The following NEGR1 variants were observed in gnomAD, a reference collection of about 807,000 sequenced individuals.
NEGR1 encodes the protein neuronal growth regulator 1.
NEGR1 carries 10 observed loss-of-function variants against 40.9 expected under a neutral mutation model. That is an observed-to-expected ratio of 0.24 (90% CI 0.15 to 0.42). The LOEUF is 0.42. Ranked by LOEUF, NEGR1 falls within the 10% of genes least tolerant of loss-of-function variation. The probability of loss-of-function intolerance (pLI) is 1.00; values close to 1 mark genes in which losing one functional copy is unlikely to be tolerated. For missense variants in NEGR1, 352 were observed against 438.9 expected (o/e 0.80, Z 1.77); for synonymous variants, 185 against 166.8 (o/e 1.11, Z -0.84).
At chr1:71,990,903 C>CATATAT (rs751558775) in intron 1 of NEGR1, among the ~76,000 whole-genome samples, 181 of 123,236 alleles carry the variant, frequency 1.5e-3, no homozygotes, top group African/African-American at 5.0e-3. Context: ...TAGGCATATA[C>CATATAT]ATATATATAT....
chr1:72,022,778 A>C (rs1045928278), intron 1 of NEGR1, among the ~76,000 whole-genome samples: 3 of 152,150 alleles, frequency 2.0e-5, no homozygotes, highest in Non-Finnish European at 4.4e-5. Flanking sequence ...AGTTGCCACT[A>C]TTCACAGACG....
At chr1:71,793,467 C>T (rs1052543480) in intron 2 of NEGR1, among the ~76,000 whole-genome samples, 1 of 150,194 alleles carries the variant, frequency 6.7e-6, no homozygotes, top group Non-Finnish European at 1.5e-5. Flanking sequence ...TAAAAGATAT[C>T]TACCAATATT....
intron 1 of NEGR1, among the ~76,000 whole-genome samples, chr1:72,165,828 T>C (rs939930950): frequency 6.6e-6 from 1 of 152,034 alleles, no homozygotes; most frequent in Non-Finnish European, 1.5e-5. Flanking sequence ...AGGAGATAGG[T>C]AGCAAAAAGG....
At chr1:71,712,529 C>T (rs935685783) in intron 3 of NEGR1, among the ~76,000 whole-genome samples, 6 of 152,102 alleles carry the variant, frequency 3.9e-5, no homozygotes, top group Non-Finnish European at 5.9e-5. Flanking sequence ...ATTCTGTACT[C>T]CCAGTTCTGG....
chr1:72,111,294 G>A (rs370012837), intron 1 of NEGR1, among the ~76,000 whole-genome samples: 7 of 151,464 alleles, frequency 4.6e-5, no homozygotes, highest in African/African-American at 1.5e-4. Context: ...ATTAAGTCAG[G>A]TAGCCAATAA....
chr1:71,454,891 A>G (rs1051332037), intron 6 of NEGR1, among the ~76,000 whole-genome samples: 5 of 151,880 alleles, frequency 3.3e-5, no homozygotes, highest in African/African-American at 1.2e-4. Flanking sequence ...TTAGGACACC[A>G]TTTTTTCCCA....
chr1:72,171,014 A>G (rs540891716), intron 1 of NEGR1, among the ~76,000 whole-genome samples: 1 of 152,204 alleles, frequency 6.6e-6, no homozygotes, highest in African/African-American at 2.4e-5. Flanking sequence ...GGCTATTGGT[A>G]TTTCCTTTTC....
At chr1:72,017,300 G>A (rs1646720523) in intron 1 of NEGR1, among the ~76,000 whole-genome samples, 1 of 151,926 alleles carries the variant, frequency 6.6e-6, no homozygotes, top group South Asian at 2.1e-4. Context: ...AAGAGTAGGC[G>A]CTAGATTCAA....
At chr1:72,015,609 G>T (rs11209891) in intron 1 of NEGR1, among the ~76,000 whole-genome samples, 13,599 of 152,148 alleles carry the variant, frequency 0.089, 832 homozygotes, top group Admixed American at 0.18. Flanking sequence ...AGTTGAGGCT[G>T]TACTGAGCTG....
chr1:71,787,397 T>G (rs192793453), intron 2 of NEGR1, among the ~76,000 whole-genome samples: 18 of 152,284 alleles, frequency 1.2e-4, no homozygotes, highest in Admixed American at 9.8e-4. Flanking sequence ...TATGGATAAG[T>G]AACATATATG....
At chr1:72,006,503 A>G (rs983389185) in intron 1 of NEGR1, among the ~76,000 whole-genome samples, 1 of 152,186 alleles carries the variant, frequency 6.6e-6, no homozygotes, top group Non-Finnish European at 1.5e-5. Flanking sequence ...CTCATGGTCA[A>G]TACACAGCAT....
chr1:71,989,688 C>T (rs1472861625), intron 1 of NEGR1, among the ~76,000 whole-genome samples: 1 of 152,164 alleles, frequency 6.6e-6, no homozygotes, highest in Non-Finnish European at 1.5e-5. Flanking sequence ...ACTGATACCA[C>T]AACTAATTAT....
intron 6 of NEGR1, among the ~76,000 whole-genome samples, chr1:71,416,628 T>G (rs1454930680): frequency 6.6e-6 from 1 of 152,202 alleles, no homozygotes; most frequent in Non-Finnish European, 1.5e-5. Context: ...TTTTGGCTAT[T>G]TTTAAATCCT....
At chr1:72,162,556 A>T (rs1369464228) in intron 1 of NEGR1, among the ~76,000 whole-genome samples, 1 of 152,154 alleles carries the variant, frequency 6.6e-6, no homozygotes, top group East Asian at 1.9e-4. Context: ...GACAGTCATC[A>T]TTAAAACTGC....
chr1:72,110,292 G>C (rs933237021), intron 1 of NEGR1, among the ~76,000 whole-genome samples: 1 of 149,192 alleles, frequency 6.7e-6, no homozygotes, highest in Non-Finnish European at 1.5e-5. Context: ...CTTGTTTCCT[G>C]TGATATACAA....
intron 2 of NEGR1, among the ~76,000 whole-genome samples, chr1:71,880,581 C>T (rs1220914177): frequency 6.6e-6 from 1 of 151,896 alleles, no homozygotes; most frequent in Non-Finnish European, 1.5e-5. Context: ...GAAATGAACT[C>T]CAAACACTTC....
At chr1:71,746,920 G>T (rs1655405332) in intron 3 of NEGR1, among the ~76,000 whole-genome samples, 1 of 152,142 alleles carries the variant, frequency 6.6e-6, no homozygotes, top group African/African-American at 2.4e-5. Context: ...CATCAAAAAT[G>T]GAATATTGGC....
At chr1:71,686,219 T>A (rs546885490) in intron 4 of NEGR1, among the ~76,000 whole-genome samples, 295 of 152,264 alleles carry the variant, frequency 1.9e-3, no homozygotes, top group African/African-American at 6.8e-3. Flanking sequence ...TTCAGTATAT[T>A]TGGCCCTATA....
intron 1 of NEGR1, among the ~76,000 whole-genome samples, chr1:71,948,467 G>A (rs924148925): frequency 1.4e-5 from 2 of 147,612 alleles, no homozygotes; most frequent in African/African-American, 5.1e-5. Context: ...AGGGATATGT[G>A]TGCTTCAAAA....
Sources: gnomAD v4.1 joint callset for allele counts (sites outside exome capture counted in the v4.1 genomes callset) on GRCh38, gnomAD v4.1.1 for gene constraint, MANE v1.5 for transcripts, NCBI Gene and HGNC (gene_info 2026-07-23, HGNC 2026-07-21) for gene names.